DIMT1: variants seen among roughly 807,000 people sequenced by gnomAD.
DIMT1 encodes the protein dimethyladenosine transferase.
In DIMT1, 36 loss-of-function variants were observed where a neutral mutation model predicts 43.2. That is an observed-to-expected ratio of 0.83 (90% CI 0.64 to 1.10). The LOEUF is 1.10. Among genes scored for constraint, DIMT1 ranks in the 50% least tolerant of loss-of-function variants. The pLI, the probability that DIMT1 is intolerant of heterozygous loss-of-function variation, is 0.00. For synonymous variants in DIMT1, 126 were observed against 130.3 expected (o/e 0.97, Z 0.22); for missense variants, 341 against 385.3 (o/e 0.88, Z 0.96).
At chr5:62,403,427 T>C (rs767194216) in intron 1 of DIMT1, 81 bp from the exon 2 acceptor site, 13 of 1,363,734 alleles carry the variant, frequency 9.5e-6, no homozygotes, top group Admixed American at 3.4e-5. Context: ...GCTGCATGGG[T>C]ATGGGGAAGA....
In DIMT1 at chr5:62,398,831, T is replaced by A; in HGVS notation, c.291A>T (p.Arg97Ser). The A allele has an allele frequency of 6.2e-7, 1 of 1,613,980 alleles. No individual in the cohort carries two copies. Reference protein sequence around the residue: ...DPRLVAELHKRVQGTPVASKL... With the variant: ...DPRLVAELHKSVQGTPVASKL... ...TTATGTATACTCACGTGCCCTGAAC[T>A]CTTTTGTGAAGTTCAGCTACTAGCC... Residue 97 changes from arginine (R) to serine (S), a missense_variant, in exon 4 of 12, where the codon AGA (arginine) becomes AGT (serine). By Grantham distance (110) the Arg-to-Ser change is moderately radical. Coordinates refer to ENST00000199320, the MANE Select transcript of DIMT1 (RefSeq NM_014473.4).
Position 62,402,099 on chromosome 5 carries a change from T to A in DIMT1, c.177A>T (p.Val59=), listed in dbSNP as rs776307467. The A allele has an allele frequency of 1.9e-6, 3 of 1,614,014 alleles. No homozygotes were observed. In the Admixed American group the frequency reaches 5.0e-5, roughly 27 times the overall value. The part of the protein sequence containing the change: ...IDKAALRPTD[V]VLEVGPGTGN... ...CAGTTCCAGGTCCAACTTCCAGCAC[T>A]ACATCAGTTGGTCTTAAGGCAGCCT... is the stretch of plus-strand genomic sequence containing the variant. Residue 59 remains valine, a synonymous_variant, in exon 3 of 12, where the codon GTA becomes GTT. Coordinates refer to ENST00000199320, the MANE Select transcript of DIMT1 (RefSeq NM_014473.4).
intron 10 of DIMT1, 92 bp from the exon 11 acceptor site, chr5:62,391,074 C>A: frequency 1.0e-6 from 1 of 987,434 alleles, no homozygotes; most frequent in South Asian, 1.3e-5. Flanking sequence ...ATAAAATAGT[C>A]ACCTTTAATA....
At chr5:62,398,952 G>T in intron 3 of DIMT1, 71 bp from the exon 4 acceptor site, 1 of 1,177,070 alleles carries the variant, frequency 8.5e-7, no homozygotes, top group South Asian at 1.4e-5. Context: ...ATCCCAACAG[G>T]AACTCTTACA....
chr5:62,400,601 C>G (rs80012979), intron 3 of DIMT1, among the ~76,000 whole-genome samples: 1,851 of 151,958 alleles, frequency 0.012, 35 homozygotes, highest in African/African-American at 0.042. Flanking sequence ...CCAGGCTGGT[C>G]TCAAGCTCAT....
chr5:62,394,423 CCT>C (rs1336058865), intron 7 of DIMT1, 59 bp downstream of exon 7: 1 of 1,579,086 alleles, frequency 6.3e-7, no homozygotes, highest in Non-Finnish European at 8.7e-7. Flanking sequence ...TGCACTGCAG[CCT>C]GGGTGACAGA....
At position 62,388,940 on chromosome 5, in the gene DIMT1, T is replaced by C. The variant is rs1742162697; in HGVS notation, c.*70A>G. 3.5e-6 allele frequency: 5 copies of C among 1,438,266 alleles called. No homozygotes were observed. Among genetic ancestry groups the C allele is most frequent in the Non-Finnish European group, 3.9e-6 (4 of 1,033,770 alleles). 89.1% of individuals were successfully genotyped at this position (1,438,266 alleles called of 1,614,324 possible). On this transcript the variant is annotated 3_prime_UTR_variant, in exon 12 of 12. Transcript: ENST00000199320. The stretch of plus-strand genomic sequence containing the variant: ...ATGTCTCAGTAAAGCAAAAGCATTA[T>C]CTTCTCAAATACAAAAAATACAAAA...
At chr5:62,402,799 A>G (rs1252285279) in intron 2 of DIMT1, among the ~76,000 whole-genome samples, 1 of 152,144 alleles carries the variant, frequency 6.6e-6, no homozygotes, top group African/African-American at 2.4e-5. Context: ...CTAACACCCA[A>G]TCATCCATAA....
Position 62,390,596 on chromosome 5 carries a change from A to C in DIMT1, c.899+280T>G, listed in dbSNP as rs1742258282. Among the ~76,000 whole-genome samples, 2 of 152,182 alleles carry C rather than the reference A, an allele frequency of 1.3e-5. 1 individual carries two copies. Among genetic ancestry groups the C allele is most frequent in the South Asian group, 4.1e-4 (2 of 4,834 alleles). Reference sequence around the variant, plus strand: ...AGAGTTGGGGAAGGAGCAGGAAGGGAGGAACCTGCACACCACATTGGAACC... The same window carrying C: ...AGAGTTGGGGAAGGAGCAGGAAGGGCGGAACCTGCACACCACATTGGAACC... On this transcript the variant is annotated intron_variant, in intron 11 of 11. Transcript: ENST00000199320.
rs1742808629 is a variant in DIMT1 at position 62,403,875 on chromosome 5, A to G, written c.-103T>C. 8 of 1,292,592 alleles carry G rather than the reference A, an allele frequency of 6.2e-6. No individual in the cohort carries two copies. Among genetic ancestry groups the G allele is most frequent in the Non-Finnish European group, 8.6e-6 (8 of 933,100 alleles). The allele number at this position is 1,292,592 out of a possible 1,614,324, so 80.1% of individuals were successfully genotyped here. ...GGGATCGCCGCCACGCGCCGCCCGC[A>G]CCACTCTGGCCCAAGCGCCGGAGGG... On this transcript the variant is annotated 5_prime_UTR_variant, in exon 1 of 12. Transcript: ENST00000199320.
chr5:62,398,424 C>T (rs1742576180), intron 6 of DIMT1, 87 bp downstream of exon 6: 1 of 1,337,722 alleles, frequency 7.5e-7, no homozygotes, highest in East Asian at 2.3e-5. Flanking sequence ...AGTTTTTCAA[C>T]TGACCTGACT....
Position 62,403,758 on chromosome 5 carries a change from C to T in DIMT1, c.15G>A (p.Lys5=), listed in dbSNP as rs113149711. 5.6e-6 allele frequency: 9 copies of T among 1,610,296 alleles called. No individual in the cohort carries two copies. Among genetic ancestry groups the T allele is most frequent in the Non-Finnish European group, 6.8e-6 (8 of 1,178,866 alleles). Residue 5 remains lysine, a synonymous_variant, in exon 1 of 12, where the codon AAG becomes AAA. Coordinates refer to ENST00000199320, the MANE Select transcript of DIMT1 (RefSeq NM_014473.4). ...CGCGGCGGCGGCCGATGGCCCCCGA[C>T]TTGACCTTCGGCATCTCGGCAGAAA... is the stretch of plus-strand genomic sequence containing the variant. MPKV[K]SGAIGRRRGR... is the part of the protein sequence containing the mutation.
At position 62,398,851 on chromosome 5, in the gene DIMT1, CT is replaced by C. The variant is rs1181285213; in HGVS notation, c.270del (p.Val91Ter). The C allele has an allele frequency of 6.2e-7, 1 of 1,613,716 alleles. No homozygotes were observed. The highest frequency in any genetic ancestry group is 1.3e-5 in the African/African-American group (1 of 75,038). ...TGAACTCTTTTGTGAAGTTCAGCTA[CT>C]AGCCTTGGGTCAAGTTCACAAGCAA... ...KVVACELDPR[L>X]VAELHKRVQG... On this transcript the variant is annotated frameshift_variant, in exon 4 of 12. Transcript: ENST00000199320. LOFTEE classifies it high-confidence loss of function.
At chr5:62,401,123 C>T (rs1742685250) in intron 3 of DIMT1, among the ~76,000 whole-genome samples, 1 of 152,134 alleles carries the variant, frequency 6.6e-6, no homozygotes, top group South Asian at 2.1e-4. Flanking sequence ...CTTTCAACTT[C>T]TGGTTGGAAT....
intron 6 of DIMT1, among the ~76,000 whole-genome samples, chr5:62,395,267 C>T (rs966151160): frequency 3.3e-5 from 5 of 152,006 alleles, no homozygotes; most frequent in Non-Finnish European, 7.4e-5. Flanking sequence ...TCAGGTGATC[C>T]GCCCACCTCA....
Position 62,401,997 on chromosome 5 carries a change from T to G in DIMT1, c.240+39A>C, listed in dbSNP as rs770225025. ...TGTAAACCAACTGAGCTTGCTAACATAGTCATTTGTGATACCAAACATTAA... is the reference window on the plus strand; with the variant it reads ...TGTAAACCAACTGAGCTTGCTAACAGAGTCATTTGTGATACCAAACATTAA... On this transcript the variant is annotated intron_variant, in intron 3 of 11. Coordinates refer to ENST00000199320, the MANE Select transcript of DIMT1 (RefSeq NM_014473.4). 25 of 1,585,734 alleles carry G rather than the reference T, an allele frequency of 1.6e-5. No homozygotes were observed. The South Asian group carries it at 2.8e-4, about 18-fold the overall frequency.
rs559494345 is a variant in DIMT1, at chr5:62,401,833, G to T, written c.240+203C>A. On this transcript the variant is annotated intron_variant, in intron 3 of 11. Transcript: ENST00000199320. ...CTTGACCTCATGATCCACCTGCCTCGGCCTCCCAAAGTGCTGGGATTACAG... is the reference window on the plus strand; with the variant it reads ...CTTGACCTCATGATCCACCTGCCTCTGCCTCCCAAAGTGCTGGGATTACAG... Among the ~76,000 whole-genome samples the T allele has an allele frequency of 6.9e-4, 104 of 151,680 alleles. 1 individual carries two copies. The highest frequency in any genetic ancestry group is 4.4e-5 in the Non-Finnish European group (3 of 67,918).
At position 62,398,706 on chromosome 5, in the gene DIMT1, A is replaced by G. The variant is rs1326622719; in HGVS notation, c.336T>C (p.Gly112=). 1.5e-5 allele frequency: 25 copies of G among 1,614,078 alleles called. No individual in the cohort carries two copies. Among genetic ancestry groups the G allele is most frequent in the Non-Finnish European group, 2.1e-5 (25 of 1,180,032 alleles). ...ATGGCAAATCTGTTTTCAGCACATCACCCACCAGTACTTGAAGTTTGCTGG... is the reference window on the plus strand; with the variant it reads ...ATGGCAAATCTGTTTTCAGCACATCGCCCACCAGTACTTGAAGTTTGCTGG... ...PVASKLQVLV[G]DVLKTDLPFF... Residue 112 remains glycine, a synonymous_variant, in exon 5 of 12, where the codon GGT becomes GGC. Transcript: ENST00000199320.
chr5:62,393,327 G>A (rs1437702431), intron 8 of DIMT1, among the ~76,000 whole-genome samples: 3 of 151,906 alleles, frequency 2.0e-5, no homozygotes, highest in South Asian at 2.1e-4. Flanking sequence ...TGGGAGGATC[G>A]CTTGAGACCA....
Sources: allele counts gnomAD v4.1 joint callset (sites outside exome capture counted in the v4.1 genomes callset), GRCh38; gene constraint gnomAD v4.1.1; transcripts MANE v1.5; gene names NCBI Gene and HGNC (gene_info 2026-07-23, HGNC 2026-07-21).